ATXN1: variants seen among roughly 807,000 people sequenced by gnomAD.
The protein encoded by ATXN1 is ataxin-1.
Under a neutral mutation model 56.4 loss-of-function variants are expected in ATXN1, and 8 were observed. The ratio of observed to expected loss-of-function variants is 0.14; its 90% CI spans 0.08 to 0.26. ATXN1 has a LOEUF of 0.26. Ranked by LOEUF, ATXN1 falls within the 10% of genes least tolerant of loss-of-function variation. The pLI, the probability that ATXN1 is intolerant of heterozygous loss-of-function variation, is 1.00. For missense variants in ATXN1, 987 were observed against 1,106.5 expected (o/e 0.89, Z 1.53); for synonymous variants, 514 against 494.6 (o/e 1.04, Z -0.52).
At chr6:16,733,073 C>T (rs765273383) in intron 2 of ATXN1, among the ~76,000 whole-genome samples, 1 of 152,158 alleles carries the variant, frequency 6.6e-6, no homozygotes, top group Non-Finnish European at 1.5e-5. Flanking sequence ...CCTGCCATGC[C>T]GGGACCCATT....
chr6:16,665,391 A>G (rs1203746225), intron 2 of ATXN1, among the ~76,000 whole-genome samples: 1 of 152,222 alleles, frequency 6.6e-6, no homozygotes, highest in Non-Finnish European at 1.5e-5. Flanking sequence ...AAGTTGACAC[A>G]TTTCATTACA....
In ATXN1 at chr6:16,326,424, T is replaced by C. The variant is rs757182025; in HGVS notation, c.1887A>G (p.Ile629Met). ...EDSHSPGVAV[I>M]QFAVGEHRAQ... ...CTCGGTGCTCCCCGACGGCGAACTG[T>C]ATCACGGCCACGCCCGGGCTATGGC... The change falls in exon 7 of 8, where the codon ATA becomes ATG. Residue 629 changes from isoleucine (I) to methionine (M), a missense_variant. By Grantham distance (10) the Ile-to-Met change is conservative. Around this residue, in one of 3 missense-constraint regions of ATXN1, gnomAD observed 68 missense variants for 118.1 expected, o/e 0.58. Coordinates refer to ENST00000436367, the MANE Select transcript of ATXN1 (RefSeq NM_001128164.2). This position sits in a 1 kb window ranked among gnomAD's most constrained non-coding sequence, Gnocchi z 6.6. 2 of 1,614,004 alleles carry C rather than the reference T, an allele frequency of 1.2e-6. No individual in the cohort carries two copies. The highest frequency in any genetic ancestry group is 3.3e-4 in the Middle Eastern group (2 of 6,060).
At chr6:16,569,188 G>A (rs549841625) in intron 4 of ATXN1, among the ~76,000 whole-genome samples, 1 of 152,190 alleles carries the variant, frequency 6.6e-6, no homozygotes, top group African/African-American at 2.4e-5. Context: ...GATAACATAA[G>A]GGACTGTCAG....
chr6:16,723,754 G>T (rs1467113609), intron 2 of ATXN1, among the ~76,000 whole-genome samples: 1 of 151,288 alleles, frequency 6.6e-6, no homozygotes, highest in Non-Finnish European at 1.5e-5. Flanking sequence ...AAATTACAAA[G>T]AATCTGACAT....
chr6:16,323,429 G>T (rs1321162620), intron 7 of ATXN1, among the ~76,000 whole-genome samples: 1 of 134,146 alleles, frequency 7.5e-6, no homozygotes, highest in African/African-American at 2.8e-5. Context: ...TGAGGCAGAA[G>T]AATCACTTGA....
chr6:16,688,624 CATA>C (rs1194598853), intron 2 of ATXN1, among the ~76,000 whole-genome samples: 3 of 152,324 alleles, frequency 2.0e-5, no homozygotes, highest in African/African-American at 7.2e-5. Context: ...CCTTGCTCAA[CATA>C]ATATTGCAAA....
chr6:16,368,441 G>T (rs1485609479), intron 6 of ATXN1, among the ~76,000 whole-genome samples: 2 of 140,638 alleles, frequency 1.4e-5, no homozygotes, highest in Non-Finnish European at 3.0e-5. Context: ...TCATTTTACA[G>T]ATTAGGAAAC....
intron 6 of ATXN1, among the ~76,000 whole-genome samples, chr6:16,348,225 A>C (rs907269642): frequency 6.6e-6 from 1 of 152,118 alleles, no homozygotes; most frequent in Non-Finnish European, 1.5e-5. Context: ...CGCCACATCT[A>C]GCTACATTTT....
intron 3 of ATXN1, among the ~76,000 whole-genome samples, chr6:16,596,072 C>A (rs1561771418): frequency 6.6e-6 from 1 of 152,204 alleles, no homozygotes; most frequent in Non-Finnish European, 1.5e-5. Context: ...TCATAGCTCA[C>A]TGCAGCCTCT....
chr6:16,660,031 G>A (rs1758284737), intron 2 of ATXN1, among the ~76,000 whole-genome samples: 1 of 152,172 alleles, frequency 6.6e-6, no homozygotes, highest in Non-Finnish European at 1.5e-5. Flanking sequence ...GATTCATTCT[G>A]TGATTTATCG....
chr6:16,490,389 T>G (rs1760636911), intron 5 of ATXN1, among the ~76,000 whole-genome samples: 1 of 152,178 alleles, frequency 6.6e-6, no homozygotes, highest in South Asian at 2.1e-4. Flanking sequence ...CCTAATACAG[T>G]CCCAAATGGC....
chr6:16,628,531 T>A (rs753262650), intron 3 of ATXN1, among the ~76,000 whole-genome samples: 9 of 152,194 alleles, frequency 5.9e-5, no homozygotes, highest in Non-Finnish European at 1.3e-4. Flanking sequence ...ACTCATGCCA[T>A]GGGGGTTTGT....
At chr6:16,683,739 G>A (rs1054557223) in intron 2 of ATXN1, among the ~76,000 whole-genome samples, 1 of 152,160 alleles carries the variant, frequency 6.6e-6, no homozygotes. Flanking sequence ...AGTGCCGGAG[G>A]GTTAACCAGA....
At position 16,760,742 on chromosome 6, in the gene ATXN1, T is replaced by G. The variant is rs1410468391; in HGVS notation, c.-730+556A>C. Among the ~76,000 whole-genome samples, 9 of 149,488 alleles carry G rather than the reference T, an allele frequency of 6.0e-5. No individual in the cohort carries two copies. Among genetic ancestry groups the G allele is most frequent in the African/African-American group, 2.2e-4 (9 of 40,500 alleles). ...AAGTCCAGCCCTCCGTGAGACCCCC[T>G]CTCTCTCACCGCCCTCTCCGGGGAG... On this transcript the variant is annotated intron_variant, in intron 1 of 7. Transcript: ENST00000436367. This position sits in a 1 kb window ranked among gnomAD's most constrained non-coding sequence, Gnocchi z 5.3.
rs748534826 is a variant in ATXN1 at position 16,327,696 on chromosome 6, C to CTGCTGA, written c.614_615insTCAGCA (p.Gln204_Gln205insHisGln). 3 of 1,592,582 alleles carry CTGCTGA rather than the reference C, an allele frequency of 1.9e-6. No homozygotes were observed. Among genetic ancestry groups the CTGCTGA allele is most frequent in the Admixed American group, 3.4e-5 (2 of 58,872 alleles). The stretch of plus-strand genomic sequence containing the variant: ...GCTGCTGATGCTGATGCTGCTGCTG[C>CTGCTGA]TGCTGCTGCTGCTGCTGCTGCTGCT... On this transcript the variant is annotated inframe_insertion, in exon 7 of 8. Coordinates refer to ENST00000436367, the MANE Select transcript of ATXN1 (RefSeq NM_001128164.2).
intron 6 of ATXN1, among the ~76,000 whole-genome samples, chr6:16,333,214 A>G (rs1317773454): frequency 1.3e-5 from 2 of 152,238 alleles, no homozygotes; most frequent in Non-Finnish European, 2.9e-5. Context: ...GGTTCTTTAC[A>G]CAACTGCAGA....
intron 2 of ATXN1, among the ~76,000 whole-genome samples, chr6:16,705,031 C>A (rs983563783): frequency 2.0e-5 from 3 of 152,154 alleles, no homozygotes; most frequent in African/African-American, 7.2e-5. Context: ...AGATTGGACC[C>A]AGTGATCCTA....
chr6:16,347,083 G>A (rs1018328708), intron 6 of ATXN1, among the ~76,000 whole-genome samples: 3 of 152,224 alleles, frequency 2.0e-5, no homozygotes, highest in Non-Finnish European at 4.4e-5. Flanking sequence ...TGGCGGGCAG[G>A]GCTCGGGACC....
At chr6:16,443,044 T>C (rs1416226537) in intron 6 of ATXN1, among the ~76,000 whole-genome samples, 2 of 151,586 alleles carry the variant, frequency 1.3e-5, no homozygotes, top group Admixed American at 6.6e-5. Context: ...ATAGCGGGCA[T>C]GGTGGGGCAC....
Sources: allele counts gnomAD v4.1 joint callset (sites outside exome capture counted in the v4.1 genomes callset), GRCh38; gene constraint gnomAD v4.1.1; regional missense constraint gnomAD v4.1.1; non-coding constraint Gnocchi (gnomAD v3.1); transcripts MANE v1.5; gene names NCBI Gene and HGNC (gene_info 2026-07-23, HGNC 2026-07-21).